The following TAAR5 variants were observed in gnomAD, a reference collection of about 807,000 sequenced individuals.
TAAR5 encodes trace amine associated receptor 5.
Under a neutral mutation model 21.1 loss-of-function variants are expected in TAAR5, and 27 were observed. The ratio of observed to expected loss-of-function variants is 1.28; its 90% CI spans 0.94 to 1.76. TAAR5 has a LOEUF of 1.76. Among genes scored for constraint, TAAR5 ranks in the 40% most tolerant of loss-of-function variants. TAAR5 has a pLI of 0.00. For missense variants in TAAR5, 495 were observed against 405.6 expected, an observed-to-expected ratio of 1.22 and a Z score of -1.89; for synonymous variants, 203 against 167.5, an observed-to-expected ratio of 1.21 and a Z score of -1.64.
At chr6:132,595,157 A>G in the TAAR5 span, 3 of 153,078 alleles carry the variant, frequency 2.0e-5, no homozygotes, top group African/African-American at 4.8e-5. Flanking sequence ...GACTCGATGG[A>G]TGTGATCACA....
At chr6:132,596,136 G>C in the TAAR5 span, among the ~76,000 whole-genome samples, 10 of 152,076 alleles carry the variant, frequency 6.6e-5, no homozygotes, top group Non-Finnish European at 1.3e-4. Context: ...TAAATCTGTG[G>C]CTTATCTCCT....
chr6:132,611,241 T>C, the TAAR5 span, among the ~76,000 whole-genome samples: 2 of 148,844 alleles, frequency 1.3e-5, no homozygotes, highest in African/African-American at 2.5e-5. Flanking sequence ...ATTGAACTCA[T>C]GGAGATAGGG....
chr6:132,589,822 A>G, upstream of TAAR5: 7 of 738,028 alleles, frequency 9.5e-6, no homozygotes, highest in South Asian at 1.6e-4. Context: ...GGAAGAAACT[A>G]AAGTACAGTT....
chr6:132,593,277 C>T (rs1776931790), upstream of TAAR5, among the ~76,000 whole-genome samples: 2 of 152,152 alleles, frequency 1.3e-5, no homozygotes, highest in African/African-American at 2.4e-5. Context: ...CACATATTAC[C>T]CTGTAGTGTA....
chr6:132,589,071 G>A lies in TAAR5; in HGVS notation c.616C>T (p.Pro206Ser), dbSNP rs1169532950. 6.2e-7 allele frequency: 1 copy of A among 1,614,090 alleles called. No individual in the cohort carries two copies. Among genetic ancestry groups the A allele is most frequent in the Non-Finnish European group, 8.5e-7 (1 of 1,179,994 alleles). The change falls in exon 1 of 1, where the codon CCT becomes TCT. Residue 206 changes from proline (P) to serine (S), a missense_variant. Physicochemically the swap from Pro to Ser is moderately conservative, Grantham distance 74 (BLOSUM62 -1). Coordinates refer to ENST00000258034, the MANE Select transcript of TAAR5 (RefSeq NM_003967.3). ...ATGAGGCAGGGGACAAAGAACAAAG[G>A]GAAGTTTAACCAGCCCCAAAATTTA... ...LNKFWGWLNF[P>S]LFFVPCLIMI...
the TAAR5 span, among the ~76,000 whole-genome samples, chr6:132,613,258 GTATTC>G: frequency 6.6e-6 from 1 of 152,160 alleles, no homozygotes; most frequent in Non-Finnish European, 1.5e-5. Context: ...TTGGAAAACT[GTATTC>G]TAATTTCCAG....
In TAAR5 at chr6:132,589,519, T is replaced by A; in HGVS notation, c.168A>T (p.Ala56=). ...GCGCTTTGAAGTAGGACACAGCAAA[T>A]GCCACAAATACATTCCCTAGCACGA... The part of the protein sequence containing the change: ...LIIVLGNVFV[A]FAVSYFKALH... Residue 56 remains alanine, a synonymous_variant, in exon 1 of 1, where the codon GCA becomes GCT. Coordinates refer to ENST00000258034, the MANE Select transcript of TAAR5 (RefSeq NM_003967.3). 6.2e-7 allele frequency: 1 copy of A among 1,613,834 alleles called. No individual in the cohort carries two copies. Among genetic ancestry groups the A allele is most frequent in the South Asian group, 1.1e-5 (1 of 91,064 alleles).
chr6:132,605,169 C>T, the TAAR5 span, among the ~76,000 whole-genome samples: 105 of 152,294 alleles, frequency 6.9e-4, 1 homozygote, highest in African/African-American at 1.1e-3. Flanking sequence ...CCAGACTGGG[C>T]GGAGAGGGCT....
the TAAR5 span, among the ~76,000 whole-genome samples, chr6:132,601,040 A>G: frequency 0.078 from 2,134 of 27,224 alleles, 3 homozygotes; most frequent in African/African-American, 0.23. Context: ...AAGGAGGGAA[A>G]GAAGGAAGGA....
the TAAR5 span, chr6:132,609,051 C>G: frequency 2.2e-6 from 1 of 455,238 alleles, no homozygotes; most frequent in South Asian, 1.6e-5. Context: ...GCAGAAAGTC[C>G]GTGGTTGCCA....
At chr6:132,592,610 C>A (rs1244575149), upstream of TAAR5, among the ~76,000 whole-genome samples, 1 of 152,098 alleles carries the variant, frequency 6.6e-6, no homozygotes, top group Non-Finnish European at 1.5e-5. Flanking sequence ...TGGTGCTGTT[C>A]TTTTGATAGT....
chr6:132,599,895 A>T, the TAAR5 span, among the ~76,000 whole-genome samples: 2 of 152,186 alleles, frequency 1.3e-5, no homozygotes, highest in African/African-American at 4.8e-5. Flanking sequence ...AGAATGGAAA[A>T]TTTTTATTTC....
the TAAR5 span, among the ~76,000 whole-genome samples, chr6:132,606,292 ATAAATAAG>A: frequency 1.3e-5 from 2 of 152,202 alleles, no homozygotes; most frequent in Non-Finnish European, 2.9e-5. Context: ...AATTAAATAA[ATAAATAAG>A]TAGAGAAACA....
upstream of TAAR5, among the ~76,000 whole-genome samples, chr6:132,593,270 A>G (rs1776931637): frequency 6.6e-6 from 1 of 152,130 alleles, no homozygotes; most frequent in Non-Finnish European, 1.5e-5. Context: ...GTCACAACAC[A>G]TATTACCCTG....
the TAAR5 span, among the ~76,000 whole-genome samples, chr6:132,602,476 A>G: frequency 0.014 from 2,152 of 152,230 alleles, 18 homozygotes; most frequent in Non-Finnish European, 0.023. Flanking sequence ...TCCTGTGAGA[A>G]TCTAATGCTG....
At chr6:132,591,021 G>A (rs1776899082), upstream of TAAR5, among the ~76,000 whole-genome samples, 1 of 152,148 alleles carries the variant, frequency 6.6e-6, no homozygotes, top group South Asian at 2.1e-4. Context: ...TCATCATTAT[G>A]TGTTTTTTGA....
Position 132,589,034 on chromosome 6 carries a change from A to C in TAAR5, c.653T>G (p.Leu218Trp). The change falls in exon 1 of 1, where the codon TTG becomes TGG. Residue 218 changes from leucine to tryptophan, a missense_variant. Leu to Trp is a moderately conservative substitution (Grantham distance 61). Coordinates refer to ENST00000258034, the MANE Select transcript of TAAR5 (RefSeq NM_003967.3). ...FFVPCLIMIS[L>W]YVKIFVVATR... Reference sequence around the variant, plus strand: ...AGCAACCACAAAGATCTTCACATACAAGCTGATCATAATGAGGCAGGGGAC... The same window carrying C: ...AGCAACCACAAAGATCTTCACATACCAGCTGATCATAATGAGGCAGGGGAC... The C allele has an allele frequency of 1.2e-6, 2 of 1,614,092 alleles. No individual in the cohort carries two copies. Among genetic ancestry groups the C allele is most frequent in the Non-Finnish European group, 1.7e-6 (2 of 1,179,988 alleles).
chr6:132,608,734 A>G, the TAAR5 span: 132 of 455,948 alleles, frequency 2.9e-4, no homozygotes, highest in Non-Finnish European at 4.7e-4. Context: ...GCAAGCAACA[A>G]GTATCTTATA....
chr6:132,611,858 C>T, the TAAR5 span, among the ~76,000 whole-genome samples: 1 of 152,188 alleles, frequency 6.6e-6, no homozygotes, highest in African/African-American at 2.4e-5. Context: ...CAGTTTATTA[C>T]TACTGTATCA....
Sources: allele counts gnomAD v4.1 joint callset (sites outside exome capture counted in the v4.1 genomes callset), GRCh38; gene constraint gnomAD v4.1.1; transcripts MANE v1.5; gene names NCBI Gene and HGNC (gene_info 2026-07-23, HGNC 2026-07-21).